The following NECAB1 variants were observed in gnomAD, a reference collection of about 807,000 sequenced individuals.
NECAB1 encodes N-terminal EF-hand calcium binding protein 1, also known as N-terminal EF-hand calcium-binding protein 1.
NECAB1 carries 29 observed loss-of-function variants against 57.5 expected under a neutral mutation model. The observed-to-expected ratio is 0.50, with a 90% CI of 0.38 to 0.69. NECAB1 has a LOEUF of 0.69. Ranked by LOEUF, NECAB1 falls within the 30% of genes least tolerant of loss-of-function variation. NECAB1 has a pLI of 0.00. For missense variants in NECAB1, 372 were observed against 413.8 expected, an observed-to-expected ratio of 0.90 and a Z score of 0.88; for synonymous variants, 142 against 147.7, an observed-to-expected ratio of 0.96 and a Z score of 0.28.
intron 4 of NECAB1, among the ~76,000 whole-genome samples, chr8:90,879,021 ATATAT>A (rs1482509937): frequency 2.1e-5 from 3 of 143,358 alleles, no homozygotes; most frequent in Admixed American, 7.1e-5. Flanking sequence ...TATATATAAT[ATATAT>A]TATATTTATT....
chr8:90,873,186 G>A (rs1808651520), intron 4 of NECAB1, among the ~76,000 whole-genome samples: 1 of 152,154 alleles, frequency 6.6e-6, no homozygotes, highest in Non-Finnish European at 1.5e-5. Context: ...AAAAACTCAT[G>A]CTTCTTATCC....
At chr8:90,808,381 G>A (rs1051772512) in intron 2 of NECAB1, among the ~76,000 whole-genome samples, 1 of 152,140 alleles carries the variant, frequency 6.6e-6, no homozygotes, top group Non-Finnish European at 1.5e-5. Context: ...CCAGAGATAT[G>A]TAGCATAAGG....
At chr8:90,870,374 A>G (rs1196328196) in intron 3 of NECAB1, among the ~76,000 whole-genome samples, 1 of 152,206 alleles carries the variant, frequency 6.6e-6, no homozygotes, top group Non-Finnish European at 1.5e-5. Flanking sequence ...AATTGACAGA[A>G]AGGTAAAGTA....
intron 1 of NECAB1, among the ~76,000 whole-genome samples, chr8:90,799,160 T>G (rs1321134633): frequency 6.6e-6 from 1 of 152,134 alleles, no homozygotes; most frequent in East Asian, 1.9e-4. Context: ...TCTTTTTTGT[T>G]TTTTGAAATA....
chr8:90,849,342 G>T (rs911656820), intron 3 of NECAB1, among the ~76,000 whole-genome samples: 3 of 152,148 alleles, frequency 2.0e-5, no homozygotes, highest in Admixed American at 6.5e-5. Flanking sequence ...GGCAATGGGT[G>T]CCTGTAGTTC....
intron 2 of NECAB1, among the ~76,000 whole-genome samples, chr8:90,808,941 G>T (rs542241517): frequency 3.9e-5 from 6 of 152,020 alleles, no homozygotes; most frequent in Admixed American, 1.3e-4. Context: ...CACCGCGCCC[G>T]GCCTTTTCAT....
intron 1 of NECAB1, 23 bp from the exon 2 acceptor site, chr8:90,801,668 A>AT (rs775858882): frequency 6.7e-7 from 1 of 1,496,246 alleles, no homozygotes. Context: ...TGCTGATAAA[A>AT]TTTTTTCCTT....
intron 2 of NECAB1, among the ~76,000 whole-genome samples, chr8:90,819,754 G>A (rs1812113832): frequency 6.6e-6 from 1 of 151,912 alleles, no homozygotes; most frequent in African/African-American, 2.4e-5. Flanking sequence ...CATGCTCTTA[G>A]TTGAGGAAGA....
At chr8:90,909,479 G>A (rs1809775041) in intron 5 of NECAB1, among the ~76,000 whole-genome samples, 2 of 151,992 alleles carry the variant, frequency 1.3e-5, no homozygotes, top group Admixed American at 6.6e-5. Context: ...TAAGATTCCT[G>A]AGGAAGGGCT....
At chr8:90,846,362 A>T (rs928544653) in intron 3 of NECAB1, among the ~76,000 whole-genome samples, 2 of 152,248 alleles carry the variant, frequency 1.3e-5, no homozygotes, top group African/African-American at 4.8e-5. Context: ...AGCTCTTGAT[A>T]CTTCAAGTAG....
chr8:90,940,761 G>A (rs924134762), intron 9 of NECAB1, 25 bp from the exon 10 acceptor site: 5 of 1,540,400 alleles, frequency 3.2e-6, no homozygotes, highest in Non-Finnish European at 4.4e-6. Context: ...AGCCAACGCA[G>A]TGACCCTCGC....
intron 3 of NECAB1, among the ~76,000 whole-genome samples, chr8:90,832,223 T>C (rs2129723930): frequency 6.6e-6 from 1 of 152,276 alleles, no homozygotes; most frequent in East Asian, 1.9e-4. Flanking sequence ...AAACCCAAAG[T>C]GGTTTTAAAA....
At chr8:90,931,571 C>G (rs1810405169) in intron 8 of NECAB1, among the ~76,000 whole-genome samples, 1 of 152,142 alleles carries the variant, frequency 6.6e-6, no homozygotes, top group Non-Finnish European at 1.5e-5. Flanking sequence ...TGGGAATATA[C>G]TGAGGTTATG....
At chr8:90,873,168 G>T (rs954899267) in intron 4 of NECAB1, among the ~76,000 whole-genome samples, 2 of 152,162 alleles carry the variant, frequency 1.3e-5, no homozygotes, top group African/African-American at 4.8e-5. Flanking sequence ...ATTTTCCAAT[G>T]ATTGTAAAAA....
chr8:90,949,971 A>G (rs1352613111), intron 11 of NECAB1, 87 bp downstream of exon 11: 1 of 785,924 alleles, frequency 1.3e-6, no homozygotes. Flanking sequence ...GGAAAGTTCC[A>G]TTCTCTTTTA....
chr8:90,857,569 T>G (rs1402534766), intron 3 of NECAB1, among the ~76,000 whole-genome samples: 1 of 152,248 alleles, frequency 6.6e-6, no homozygotes, highest in African/African-American at 2.4e-5. Flanking sequence ...ATATGCTTTT[T>G]CATGTGAAAC....
At chr8:90,844,723 T>C (rs1812523839) in intron 3 of NECAB1, among the ~76,000 whole-genome samples, 1 of 152,178 alleles carries the variant, frequency 6.6e-6, no homozygotes. Flanking sequence ...CTTTCTCCCT[T>C]GTTCTAGGGA....
chr8:90,879,816 C>T (rs547176249), intron 4 of NECAB1, among the ~76,000 whole-genome samples: 51 of 152,278 alleles, frequency 3.3e-4, no homozygotes, highest in Admixed American at 1.5e-3. Context: ...TTTTATTTAT[C>T]TTCCAACTAA....
intron 1 of NECAB1, among the ~76,000 whole-genome samples, chr8:90,797,332 A>T (rs1811679469): frequency 6.6e-6 from 1 of 152,212 alleles, no homozygotes; most frequent in Non-Finnish European, 1.5e-5. Context: ...CATTGGTGAG[A>T]TCTTTAATAG....
Sources: gnomAD v4.1 joint callset for allele counts (sites outside exome capture counted in the v4.1 genomes callset) on GRCh38, gnomAD v4.1.1 for gene constraint, MANE v1.5 for transcripts, NCBI Gene and HGNC (gene_info 2026-07-23, HGNC 2026-07-21) for gene names.